Variants in ZNF704 observed in about 807,000 individuals in gnomAD.
ZNF704 encodes glucocorticoid induced gene 1.
In ZNF704, 10 loss-of-function variants were observed where a neutral mutation model predicts 44.7. The observed-to-expected ratio is 0.22, with a 90% CI of 0.14 to 0.38. The LOEUF (loss-of-function observed/expected upper bound fraction) is 0.38, where lower values mean the gene tolerates loss of function less well. ZNF704 is among the 10% of genes least tolerant of loss of function. The pLI is 1.00. For synonymous variants in ZNF704, 211 were observed against 207.6 expected, an observed-to-expected ratio of 1.02 and a Z score of -0.14; for missense variants, 390 against 545.5, an observed-to-expected ratio of 0.71 and a Z score of 2.84.
At chr8:80,657,692 A>AG (rs1491105268) in intron 7 of ZNF704, among the ~76,000 whole-genome samples, 316 of 140,806 alleles carry the variant, frequency 2.2e-3, no homozygotes, top group Non-Finnish European at 3.3e-3. Context: ...CCCTGTTTCA[A>AG]GAAAAAAAAA....
At chr8:80,822,088 A>C (rs1248782086) in intron 1 of ZNF704, among the ~76,000 whole-genome samples, 1 of 152,142 alleles carries the variant, frequency 6.6e-6, no homozygotes, top group Non-Finnish European at 1.5e-5. Context: ...CTTATCCTTC[A>C]TCCCCAACAG....
At chr8:80,742,025 G>A (rs1286728191) in intron 2 of ZNF704, among the ~76,000 whole-genome samples, 1 of 152,182 alleles carries the variant, frequency 6.6e-6, no homozygotes, top group East Asian at 1.9e-4. Flanking sequence ...AATATGGAGA[G>A]AAAGGGAATT....
At chr8:80,854,357 T>TA (rs1175012111) in intron 1 of ZNF704, among the ~76,000 whole-genome samples, 2 of 152,104 alleles carry the variant, frequency 1.3e-5, no homozygotes, top group Admixed American at 6.6e-5. Flanking sequence ...ATCAACTTTT[T>TA]AAAAAAAGAC....
intron 2 of ZNF704, among the ~76,000 whole-genome samples, chr8:80,730,594 C>T (rs1317701529): frequency 7.0e-6 from 1 of 143,094 alleles, no homozygotes; most frequent in Non-Finnish European, 1.5e-5. Context: ...ATTGTGGTCA[C>T]GGGTGATAAA....
chr8:80,642,547 C>T (rs1243532492), intron 8 of ZNF704, among the ~76,000 whole-genome samples: 1 of 152,140 alleles, frequency 6.6e-6, no homozygotes, highest in Non-Finnish European at 1.5e-5. Flanking sequence ...GAATGGTGTG[C>T]AATTTAAAAC....
At chr8:80,778,387 A>G (rs1184275275) in intron 2 of ZNF704, among the ~76,000 whole-genome samples, 1 of 152,230 alleles carries the variant, frequency 6.6e-6, no homozygotes, top group Admixed American at 6.5e-5. Flanking sequence ...AGAAAAGGGA[A>G]CACTTAATAC....
At chr8:80,780,360 T>C (rs967549691) in intron 2 of ZNF704, among the ~76,000 whole-genome samples, 2 of 152,004 alleles carry the variant, frequency 1.3e-5, no homozygotes, top group Admixed American at 6.6e-5. Flanking sequence ...ATGGTGCAAG[T>C]AGGACTTGAG....
At chr8:80,674,672 C>A (rs528516891) in intron 4 of ZNF704, among the ~76,000 whole-genome samples, 6 of 152,272 alleles carry the variant, frequency 3.9e-5, no homozygotes, top group African/African-American at 1.2e-4. Flanking sequence ...CCCAATGACC[C>A]AAACACCTCC....
chr8:80,708,010 C>A (rs1416681019), intron 2 of ZNF704, among the ~76,000 whole-genome samples: 1 of 152,202 alleles, frequency 6.6e-6, no homozygotes, highest in Non-Finnish European at 1.5e-5. Flanking sequence ...ACATTACTGG[C>A]TTTATTTCCT....
chr8:80,652,889 C>A (rs978917665), intron 7 of ZNF704, among the ~76,000 whole-genome samples: 9 of 152,206 alleles, frequency 5.9e-5, no homozygotes, highest in Non-Finnish European at 5.9e-5. Flanking sequence ...AGACCAATAT[C>A]CCTGATGAAC....
In ZNF704 at chr8:80,632,406, G is replaced by C. The variant is rs1817602016; in HGVS notation, c.*8960C>G. On this transcript the variant is annotated 3_prime_UTR_variant, in exon 9 of 9. Coordinates refer to ENST00000327835, the MANE Select transcript of ZNF704 (RefSeq NM_001033723.3). ...CTTTCTTCCTCTGTTGGCCAGGCTG[G>C]TCTTGAACTACTGACCTCAAGTGAT... 6.6e-6 allele frequency: 1 copy of C among 152,146 alleles called. No individual in the cohort carries two copies. Among genetic ancestry groups the C allele is most frequent in the African/African-American group, 2.4e-5 (1 of 41,418 alleles). 9.4% of individuals were successfully genotyped at this position (152,146 alleles called of 1,614,324 possible).
At chr8:80,735,703 T>A (rs1312026850) in intron 2 of ZNF704, among the ~76,000 whole-genome samples, 1 of 152,166 alleles carries the variant, frequency 6.6e-6, no homozygotes, top group African/African-American at 2.4e-5. Context: ...AACACATAGA[T>A]TATTTTTTTT....
chr8:80,844,829 T>TTTTATTTA (rs60668049), intron 1 of ZNF704, among the ~76,000 whole-genome samples: 1,845 of 148,948 alleles, frequency 0.012, 22 homozygotes, highest in African/African-American at 0.026. Flanking sequence ...TTTCTTCTCT[T>TTTTATTTA]TTTATTTATT....
In ZNF704 at chr8:80,737,425, A is replaced by AC. The variant is rs568782767; in HGVS notation, c.222-44319dup. 3.1e-4 allele frequency among the ~76,000 whole-genome samples: 47 copies of AC among 152,280 alleles called. 1 individual carries two copies. In the East Asian group the frequency reaches 8.9e-3, roughly 29 times the overall value. On this transcript the variant is annotated intron_variant, in intron 2 of 8. Coordinates refer to ENST00000327835, the MANE Select transcript of ZNF704 (RefSeq NM_001033723.3). ...TGTTGGTAGGGGAACCTAGTCCCTT[A>AC]CCCTGTGGGTCGCTTTGTGAAGAAG...
intron 2 of ZNF704, among the ~76,000 whole-genome samples, chr8:80,768,331 C>A (rs965892189): frequency 3.7e-4 from 56 of 152,072 alleles, no homozygotes; most frequent in African/African-American, 1.3e-3. Context: ...CTCCCATAAG[C>A]CAATCACCCT....
At chr8:80,744,385 C>T (rs1317782897) in intron 2 of ZNF704, among the ~76,000 whole-genome samples, 1 of 152,026 alleles carries the variant, frequency 6.6e-6, no homozygotes, top group Non-Finnish European at 1.5e-5. Flanking sequence ...AATTCATCTC[C>T]CCAAGGTACT....
At chr8:80,677,372 A>G (rs916870661) in intron 4 of ZNF704, among the ~76,000 whole-genome samples, 16 of 152,224 alleles carry the variant, frequency 1.1e-4, no homozygotes, top group Non-Finnish European at 2.1e-4. Context: ...GATTACAGAA[A>G]AATAAATATC....
chr8:80,668,308 A>C (rs1206895925), intron 5 of ZNF704, among the ~76,000 whole-genome samples: 2 of 152,204 alleles, frequency 1.3e-5, no homozygotes, highest in Non-Finnish European at 2.9e-5. Flanking sequence ...ATAGAATCTA[A>C]CATAAAATCC....
intron 1 of ZNF704, among the ~76,000 whole-genome samples, chr8:80,870,823 T>G (rs925559290): frequency 6.6e-6 from 1 of 152,032 alleles, no homozygotes. Context: ...ACCTCTCCTA[T>G]CCACTCCCCA....
Sources: gnomAD v4.1 joint callset for allele counts (sites outside exome capture counted in the v4.1 genomes callset) on GRCh38, gnomAD v4.1.1 for gene constraint, MANE v1.5 for transcripts, NCBI Gene and HGNC (gene_info 2026-07-23, HGNC 2026-07-21) for gene names.